The following CEP85L variants were observed in gnomAD, a reference collection of about 807,000 sequenced individuals.
The protein encoded by CEP85L is centrosomal protein 85L, also known as centrosomal protein of 85 kDa-like.
Under a neutral mutation model 100.3 loss-of-function variants are expected in CEP85L, and 60 were observed. The observed-to-expected ratio is 0.60, with a 90% CI of 0.49 to 0.74. The LOEUF is 0.74. CEP85L is among the 30% of genes least tolerant of loss of function. The pLI is 0.00. For missense variants in CEP85L, 973 were observed against 936.2 expected, an observed-to-expected ratio of 1.04 and a Z score of -0.51; for synonymous variants, 319 against 322.7, an observed-to-expected ratio of 0.99 and a Z score of 0.12.
At chr6:118,618,463 T>C (rs1773217550) in intron 2 of CEP85L, among the ~76,000 whole-genome samples, 1 of 152,154 alleles carries the variant, frequency 6.6e-6, no homozygotes, top group South Asian at 2.1e-4. Context: ...AGATCTGTAA[T>C]TTTCATGTGG....
At chr6:118,525,283 T>A (rs1582977237) in intron 3 of CEP85L, among the ~76,000 whole-genome samples, 1 of 152,322 alleles carries the variant, frequency 6.6e-6, no homozygotes, top group South Asian at 2.1e-4. Context: ...ATGGCAGATA[T>A]CCTTATATTT....
At chr6:118,471,085 T>C (rs1462803810) in intron 10 of CEP85L, among the ~76,000 whole-genome samples, 1 of 152,088 alleles carries the variant, frequency 6.6e-6, no homozygotes, top group Non-Finnish European at 1.5e-5. Flanking sequence ...CATCCCTATT[T>C]TCTATCATTT....
At chr6:118,647,068 T>A (rs1402471523) in intron 1 of CEP85L, 1 of 985,220 alleles carries the variant, frequency 1.0e-6, no homozygotes, top group Non-Finnish European at 1.2e-6. Context: ...TTCAGTTGGG[T>A]TTAGGCCAGA....
chr6:118,520,255 TA>T (rs1776579386), intron 4 of CEP85L, among the ~76,000 whole-genome samples: 1 of 152,208 alleles, frequency 6.6e-6, no homozygotes, highest in Admixed American at 6.5e-5. Context: ...ACTGAAAAAG[TA>T]AATCCACCTT....
At chr6:118,605,637 G>T (rs1283760723) in intron 2 of CEP85L, among the ~76,000 whole-genome samples, 3 of 152,130 alleles carry the variant, frequency 2.0e-5, no homozygotes, top group Non-Finnish European at 4.4e-5. Flanking sequence ...TCCCTAAACA[G>T]GGTCTGTGGC....
chr6:118,607,399 G>C (rs893040684), intron 2 of CEP85L, among the ~76,000 whole-genome samples: 1 of 152,126 alleles, frequency 6.6e-6, no homozygotes, highest in Non-Finnish European at 1.5e-5. Flanking sequence ...CTGTTTCTCA[G>C]TACCAAAGAG....
chr6:118,704,225 T>C (rs1382562125), intron 1 of CEP85L, among the ~76,000 whole-genome samples: 2 of 152,152 alleles, frequency 1.3e-5, no homozygotes, highest in Admixed American at 6.5e-5. Flanking sequence ...AAATTAGAAG[T>C]TTTCTTGACT....
rs112170266 is a variant in CEP85L, at chr6:118,489,946, T to C, written c.1437+1740A>G. The stretch of plus-strand genomic sequence containing the variant: ...TTATATACACACACACACACATATA[T>C]ACACATGCACACACACACATACGTG... On this transcript the variant is annotated intron_variant, in intron 6 of 12. Transcript: ENST00000368491. 3.8e-4 allele frequency among the ~76,000 whole-genome samples: 57 copies of C among 151,556 alleles called. 2 individuals carry two copies. The highest frequency in any genetic ancestry group is 1.3e-3 in the African/African-American group (55 of 41,222).
chr6:118,578,320 A>C (rs961637950), intron 2 of CEP85L, among the ~76,000 whole-genome samples: 23 of 152,260 alleles, frequency 1.5e-4, no homozygotes, highest in African/African-American at 4.8e-4. Context: ...CTCTTAGCAA[A>C]CTGCGTGTTC....
chr6:118,700,347 T>C (rs892642637), intron 1 of CEP85L, among the ~76,000 whole-genome samples: 1 of 152,268 alleles, frequency 6.6e-6, no homozygotes, highest in Non-Finnish European at 1.5e-5. Flanking sequence ...TAGCATTTCC[T>C]GTTCATTTGG....
chr6:118,563,267 A>G (rs1463375627), intron 3 of CEP85L, among the ~76,000 whole-genome samples: 1 of 152,198 alleles, frequency 6.6e-6, no homozygotes, highest in African/African-American at 2.4e-5. Flanking sequence ...TCAAGGAACA[A>G]CACACACATA....
Position 118,566,052 on chromosome 6 carries a change from T to A in CEP85L, c.497A>T (p.Asp166Val), listed in dbSNP as rs9489444. 14,257 of 1,614,198 alleles carry A rather than the reference T, an allele frequency of 8.8e-3. 390 individuals are homozygous for A. In the African/African-American group the frequency reaches 0.092, roughly 10 times the overall value. ...TACAGTGCCACCCTGGCCACAGTTA[T>A]CCGGGGCAGTGAGTTTGGATAAAGA... The part of the protein sequence containing the change: ...WSSLSKLTAP[D>V]NCGQGGTVCR... Residue 166 changes from aspartate (D) to valine (V), a missense_variant, in exon 3 of 13, where the codon GAT (aspartate) becomes GTT (valine). By Grantham distance (152) the Asp-to-Val change is radical. Transcript: ENST00000368491.
chr6:118,634,387 T>A (rs911201230), intron 1 of CEP85L, among the ~76,000 whole-genome samples: 13 of 152,194 alleles, frequency 8.5e-5, no homozygotes, highest in African/African-American at 2.9e-4. Context: ...TCACTTTTAA[T>A]AAAACATTGT....
rs900953432 is a variant in CEP85L at position 118,490,358 on chromosome 6, G to A, written c.1437+1328C>T. On this transcript the variant is annotated intron_variant, in intron 6 of 12. Transcript: ENST00000368491. Reference sequence around the variant, plus strand: ...AAATGTTCTTTCTACAACGAAAAGAGAAAATATAATGGGATGGCATAAATT... The same window carrying A: ...AAATGTTCTTTCTACAACGAAAAGAAAAAATATAATGGGATGGCATAAATT... Among the ~76,000 whole-genome samples the A allele has an allele frequency of 2.6e-5, 4 of 152,180 alleles. 1 individual carries two copies. Among genetic ancestry groups the A allele is most frequent in the Non-Finnish European group, 5.9e-5 (4 of 68,026 alleles).
At chr6:118,481,644 G>A (rs930267661) in intron 8 of CEP85L, 135 bp downstream of exon 8, 2 of 497,202 alleles carry the variant, frequency 4.0e-6, no homozygotes, top group African/African-American at 4.1e-5. Context: ...CAGGCAGTTT[G>A]GATAAGGGAT....
intron 12 of CEP85L, among the ~76,000 whole-genome samples, chr6:118,467,899 C>T (rs752896845): frequency 1.3e-5 from 2 of 152,112 alleles, no homozygotes; most frequent in Non-Finnish European, 2.9e-5. Flanking sequence ...TTTTTTTCCT[C>T]TTGTGCTCCC....
intron 1 of CEP85L, among the ~76,000 whole-genome samples, chr6:118,635,617 GAT>G (rs372638074): frequency 1.2e-4 from 19 of 152,268 alleles, no homozygotes; most frequent in African/African-American, 4.6e-4. Flanking sequence ...TATAGCTCAA[GAT>G]ACGCAAATTC....
intron 4 of CEP85L, among the ~76,000 whole-genome samples, chr6:118,512,042 C>CA (rs1399184903): frequency 1.3e-5 from 2 of 151,392 alleles, no homozygotes; most frequent in Admixed American, 1.3e-4. Context: ...ATGCCTGAAA[C>CA]AATTTTTTAA....
At position 118,484,126 on chromosome 6, in the gene CEP85L, ATGGCAAAACCC is replaced by A. The variant is rs1476358148; in HGVS notation, c.1438-279_1438-269del. ...GGAGCTTGAGACCAGCCTGGCCAAT[ATGGCAAAACCC>A]TGTCTCTACTAAAAAAATACCCAAA... On this transcript the variant is annotated intron_variant, in intron 6 of 12. Transcript: ENST00000368491. Among the ~76,000 whole-genome samples, 15 of 152,246 alleles carry A rather than the reference ATGGCAAAACCC, an allele frequency of 9.9e-5. No individual in the cohort carries two copies. The East Asian group carries it at 2.7e-3, about 28-fold the overall frequency.
Sources: allele counts gnomAD v4.1 joint callset (sites outside exome capture counted in the v4.1 genomes callset), GRCh38; gene constraint gnomAD v4.1.1; transcripts MANE v1.5; gene names NCBI Gene and HGNC (gene_info 2026-07-23, HGNC 2026-07-21).